MTIF2: variants seen among roughly 807,000 people sequenced by gnomAD.
MTIF2 encodes mitochondrial translational initiation factor 2, also known as translation initiation factor IF-2, mitochondrial.
In MTIF2, 71 loss-of-function variants were observed where a neutral mutation model predicts 83.5. The observed-to-expected ratio is 0.85, with a 90% CI of 0.70 to 1.04. The LOEUF (loss-of-function observed/expected upper bound fraction) is 1.04, where lower values mean the gene tolerates loss of function less well. Ranked by LOEUF, MTIF2 falls within the 50% of genes least tolerant of loss-of-function variation. The pLI is 0.00. For missense variants in MTIF2, 957 were observed against 846.5 expected, an observed-to-expected ratio of 1.13 and a Z score of -1.62; for synonymous variants, 319 against 287.1, an observed-to-expected ratio of 1.11 and a Z score of -1.12.
At chr2:55,263,141 G>A (rs548656351) in intron 4 of MTIF2, among the ~76,000 whole-genome samples, 24 of 152,290 alleles carry the variant, frequency 1.6e-4, no homozygotes, top group Middle Eastern at 3.4e-3. Flanking sequence ...GATTACAGGC[G>A]TGAGCCACCA....
rs1342731498 is a variant in MTIF2 at position 55,243,797 on chromosome 2, A to C, written c.1312-129T>G. On this transcript the variant is annotated intron_variant, in intron 11 of 15. Coordinates refer to ENST00000263629, the MANE Select transcript of MTIF2 (RefSeq NM_002453.3). Reference sequence around the variant, plus strand: ...TGAAACTACTACTTTTATAAGTTTCAAGAAACATGTAAAATTTTAATTTGA... The same window carrying C: ...TGAAACTACTACTTTTATAAGTTTCCAGAAACATGTAAAATTTTAATTTGA... 5.4e-6 allele frequency: 6 copies of C among 1,107,564 alleles called. No homozygotes were observed. In the African/African-American group the frequency reaches 9.5e-5, roughly 17 times the overall value. The allele number at this position is 1,107,564 out of a possible 1,614,324, so 68.6% of individuals were successfully genotyped here. A position where few individuals can be genotyped will look rare whatever the true frequency, so the allele number is the denominator to read the frequency against.
At chr2:55,237,486 AT>A (rs1347428877) in intron 14 of MTIF2, 58 bp from the exon 15 acceptor site, 99 of 1,494,538 alleles carry the variant, frequency 6.6e-5, no homozygotes, top group Non-Finnish European at 8.6e-5. Context: ...TAAATACGTA[AT>A]TTCTGACATT....
At chr2:55,251,989 G>A (rs1399735355) in intron 8 of MTIF2, among the ~76,000 whole-genome samples, 2 of 152,180 alleles carry the variant, frequency 1.3e-5, no homozygotes, top group Non-Finnish European at 2.9e-5. Context: ...AAATAAGGGA[G>A]AAGATGGTTA....
At chr2:55,243,282 G>A in intron 12 of MTIF2, 134 bp downstream of exon 12, 1 of 1,097,750 alleles carries the variant, frequency 9.1e-7, no homozygotes, top group Non-Finnish European at 1.3e-6. Context: ...AAATCAGCAA[G>A]AAATATGTTG....
In MTIF2 at chr2:55,254,635, A is replaced by G; in HGVS notation, c.503+19T>C. 1 of 1,574,732 alleles carries G rather than the reference A, an allele frequency of 6.4e-7. No homozygotes were observed. Among genetic ancestry groups the G allele is most frequent in the Non-Finnish European group, 8.6e-7 (1 of 1,160,604 alleles). On this transcript the variant is annotated intron_variant, in intron 6 of 15. Coordinates refer to ENST00000263629, the MANE Select transcript of MTIF2 (RefSeq NM_002453.3). ...GTAGTCTCCCCCAAACCCTGCCAGT[A>G]TATACAGTTAAGTTTTACCTTCTTA... is the stretch of plus-strand genomic sequence containing the variant.
intron 2 of MTIF2, 29 bp downstream of exon 2, chr2:55,268,549 T>C (rs1419312845): frequency 6.6e-6 from 1 of 151,904 alleles, no homozygotes; most frequent in African/African-American, 2.4e-5. Flanking sequence ...AACCCAAATG[T>C]CAAAACTGGA....
chr2:55,236,888 G>T, intron 15 of MTIF2, 68 bp from the exon 16 acceptor site: 1 of 1,228,374 alleles, frequency 8.1e-7, no homozygotes, highest in Non-Finnish European at 1.1e-6. Flanking sequence ...ACTACATTAT[G>T]TGGTGTTAAC....
chr2:55,254,241 A>G (rs751119788), intron 6 of MTIF2, 40 bp from the exon 7 acceptor site: 1 of 1,596,368 alleles, frequency 6.3e-7, no homozygotes, highest in African/African-American at 1.3e-5. Context: ...CTTAAATATC[A>G]GAAATACTTT....
intron 3 of MTIF2, among the ~76,000 whole-genome samples, chr2:55,264,278 C>A (rs931966102): frequency 1.3e-5 from 2 of 152,174 alleles, no homozygotes; most frequent in Non-Finnish European, 2.9e-5. Flanking sequence ...AGGCTGGAGG[C>A]TGGAATGCAG....
At chr2:55,262,250 G>T (rs1055746469) in intron 5 of MTIF2, 66 bp downstream of exon 5, 6 of 1,074,184 alleles carry the variant, frequency 5.6e-6, no homozygotes, top group Non-Finnish European at 7.2e-6. Flanking sequence ...CCTTAATCTC[G>T]TTGCAAATAA....
At chr2:55,245,538 GAAAT>G (rs1278150744) in intron 10 of MTIF2, among the ~76,000 whole-genome samples, 2 of 152,018 alleles carry the variant, frequency 1.3e-5, no homozygotes, top group African/African-American at 4.8e-5. Context: ...AAGAAAGAAA[GAAAT>G]AAAGGAAAAG....
intron 7 of MTIF2, among the ~76,000 whole-genome samples, chr2:55,252,989 T>C (rs1677220396): frequency 6.6e-6 from 1 of 152,146 alleles, no homozygotes; most frequent in Non-Finnish European, 1.5e-5. Context: ...CATTAGCAAA[T>C]CAGAGTTGCA....
At chr2:55,262,727 T>TG (rs1026394444) in intron 4 of MTIF2, among the ~76,000 whole-genome samples, 1 of 71,250 alleles carries the variant, frequency 1.4e-5, no homozygotes, top group African/African-American at 3.4e-5. Context: ...ATTTTTTTTT[T>TG]TTGTTTTTTG....
Position 55,244,500 on chromosome 2 carries a change from A to T in MTIF2, c.1107-267T>A, listed in dbSNP as rs190462414. ...TCAGCCTATCAAGACCATTTTAAAC[A>T]AATTTATTTGCGATAGCCAAGAAGT... On this transcript the variant is annotated intron_variant, in intron 10 of 15. Transcript: ENST00000263629. 3.3e-5 allele frequency among the ~76,000 whole-genome samples: 5 copies of T among 152,354 alleles called. No individual in the cohort carries two copies. The East Asian group carries it at 9.6e-4, about 29-fold the overall frequency.
intron 5 of MTIF2, among the ~76,000 whole-genome samples, chr2:55,255,172 A>T (rs1032127491): frequency 2.6e-5 from 4 of 151,504 alleles, no homozygotes; most frequent in Non-Finnish European, 5.9e-5. Context: ...TCATGTATAC[A>T]CGAATGTGTG....
At chr2:55,244,960 T>A (rs1412253250) in intron 10 of MTIF2, among the ~76,000 whole-genome samples, 1 of 151,778 alleles carries the variant, frequency 6.6e-6, no homozygotes, top group Non-Finnish European at 1.5e-5. Context: ...GGCAGGAGAA[T>A]CACTTGAACC....
In MTIF2 at chr2:55,245,499, G is replaced by A. The variant is rs550734158; in HGVS notation, c.1106+838C>T. On this transcript the variant is annotated intron_variant, in intron 10 of 15. Transcript: ENST00000263629. ...GATCGTGGCCACTTCACTCCAGCCT[G>A]GGCAACAAGAGCAAAAGTCCGTCTC... Among the ~76,000 whole-genome samples the A allele has an allele frequency of 5.3e-5, 8 of 152,236 alleles. No homozygotes were observed. The South Asian group carries it at 1.5e-3, about 28-fold the overall frequency.
At chr2:55,257,032 ATT>A (rs1677599493) in intron 5 of MTIF2, among the ~76,000 whole-genome samples, 1 of 152,062 alleles carries the variant, frequency 6.6e-6, no homozygotes, top group Non-Finnish European at 1.5e-5. Flanking sequence ...ATATTTACTT[ATT>A]CTCTTTTTCA....
At chr2:55,251,263 A>ATT (rs1245034258) in intron 8 of MTIF2, among the ~76,000 whole-genome samples, 3 of 152,132 alleles carry the variant, frequency 2.0e-5, no homozygotes, top group Admixed American at 2.0e-4. Context: ...TCCCTGGCAA[A>ATT]TTTATCCCTC....
Sources: gnomAD v4.1 joint callset for allele counts (sites outside exome capture counted in the v4.1 genomes callset) on GRCh38, gnomAD v4.1.1 for gene constraint, MANE v1.5 for transcripts, NCBI Gene and HGNC (gene_info 2026-07-23, HGNC 2026-07-21) for gene names.